EPHA3: variants seen among roughly 807,000 people sequenced by gnomAD.
The protein encoded by EPHA3 is ephrin type-A receptor 3.
A neutral mutation model predicts 107.1 loss-of-function variants in EPHA3; 42 were observed. The observed-to-expected ratio is 0.39, with a 90% confidence interval of 0.31 to 0.51. The LOEUF (loss-of-function observed/expected upper bound fraction) is 0.51. Ranked by LOEUF, EPHA3 falls within the 20% of genes least tolerant of loss-of-function variation. The probability of loss-of-function intolerance (pLI) is 0.78; values close to 1 mark genes in which losing one functional copy is unlikely to be tolerated. For synonymous variants in EPHA3, 461 were observed against 424.8 expected (o/e 1.09, Z -1.05); for missense variants, 1,183 against 1,211.2 (o/e 0.98, Z 0.35).
Position 89,132,319 on chromosome 3 carries a change from T to C in EPHA3, c.153+5046T>C, listed in dbSNP as rs188104297. ...TTTAAGCCACTCTTAGTGTTTTTCATGCTTTCAAATAAAAGGCATCCTTAC... is the reference window on the plus strand; with the variant it reads ...TTTAAGCCACTCTTAGTGTTTTTCACGCTTTCAAATAAAAGGCATCCTTAC... On this transcript the variant is annotated intron_variant, in intron 2 of 16. Transcript: ENST00000336596. 4.6e-5 allele frequency among the ~76,000 whole-genome samples: 7 copies of C among 152,234 alleles called. 1 individual carries two copies. The highest frequency in any genetic ancestry group is 8.8e-5 in the Non-Finnish European group (6 of 68,042).
At chr3:89,179,170 A>G (rs1377095433) in intron 2 of EPHA3, among the ~76,000 whole-genome samples, 2 of 152,016 alleles carry the variant, frequency 1.3e-5, no homozygotes, top group Non-Finnish European at 2.9e-5. Context: ...ATGTTTGCCA[A>G]TGATTCAAGT....
At chr3:89,443,732 C>G (rs1447820470) in intron 13 of EPHA3, among the ~76,000 whole-genome samples, 1 of 151,974 alleles carries the variant, frequency 6.6e-6, no homozygotes, top group Non-Finnish European at 1.5e-5. Flanking sequence ...TGGGGGAATA[C>G]AGTGGTGAAG....
rs1707533817 is a variant in EPHA3, at chr3:89,341,922, G to A, written c.1138G>A (p.Val380Ile). 3 of 1,613,508 alleles carry A rather than the reference G, an allele frequency of 1.9e-6. No homozygotes were observed. Among genetic ancestry groups the A allele is most frequent in the South Asian group, 1.1e-5 (1 of 91,030 alleles). Residue 380 changes from valine (V) to isoleucine (I), a missense_variant, in exon 5 of 17, where the codon GTC becomes ATC. Physicochemically the swap from Val to Ile is conservative, Grantham distance 29 (BLOSUM62 3). Coordinates refer to ENST00000336596, the MANE Select transcript of EPHA3 (RefSeq NM_005233.6). ...IKQCEPCSPN[V>I]RFLPRQFGLT... Reference sequence around the variant, plus strand: ...ACAGTGTGAGCCATGCAGCCCAAATGTCCGCTTCCTCCCTCGACAGTTTGG... The same window carrying A: ...ACAGTGTGAGCCATGCAGCCCAAATATCCGCTTCCTCCCTCGACAGTTTGG...
chr3:89,295,751 C>T (rs1157661332), intron 3 of EPHA3, among the ~76,000 whole-genome samples: 7 of 151,948 alleles, frequency 4.6e-5, no homozygotes, highest in Admixed American at 1.3e-4. Flanking sequence ...CCACCACACC[C>T]GGCTAATTTT....
At chr3:89,442,163 A>C (rs987071461) in intron 13 of EPHA3, among the ~76,000 whole-genome samples, 2 of 152,190 alleles carry the variant, frequency 1.3e-5, no homozygotes, top group African/African-American at 4.8e-5. Context: ...AGGAAGGAAG[A>C]TAGGAAAAAA....
chr3:89,334,282 C>A (rs1225240408), intron 3 of EPHA3, among the ~76,000 whole-genome samples: 4 of 152,144 alleles, frequency 2.6e-5, no homozygotes, highest in South Asian at 2.1e-4. Flanking sequence ...ACTGCAAAAT[C>A]CATCATTTCT....
intron 2 of EPHA3, 142 bp from the exon 3 acceptor site, chr3:89,209,718 C>G (rs1706221145): frequency 1.5e-6 from 1 of 668,772 alleles, no homozygotes; most frequent in Non-Finnish European, 2.4e-6. Context: ...CTCAGAGAAC[C>G]TTGCAAATAA....
chr3:89,468,078 T>G (rs1197788598), intron 15 of EPHA3, among the ~76,000 whole-genome samples: 2 of 152,132 alleles, frequency 1.3e-5, no homozygotes, highest in Non-Finnish European at 2.9e-5. Flanking sequence ...TGAAGAGACA[T>G]CACAGGCTCT....
intron 5 of EPHA3, among the ~76,000 whole-genome samples, chr3:89,390,352 A>G (rs1349201575): frequency 2.6e-5 from 4 of 152,142 alleles, no homozygotes; most frequent in Non-Finnish European, 4.4e-5. Context: ...TAATGCTAGC[A>G]CTTTGGGAGG....
At chr3:89,208,536 G>T (rs571831453) in intron 2 of EPHA3, among the ~76,000 whole-genome samples, 40 of 139,926 alleles carry the variant, frequency 2.9e-4, no homozygotes, top group Non-Finnish European at 5.9e-4. Context: ...AAGAAAGAAA[G>T]AAAAAAAGAA....
chr3:89,451,105 T>C (rs1386831462), intron 15 of EPHA3, among the ~76,000 whole-genome samples: 11 of 152,168 alleles, frequency 7.2e-5, no homozygotes, highest in East Asian at 1.9e-4. Flanking sequence ...CTAGACACCA[T>C]TGAAGATAAA....
intron 3 of EPHA3, among the ~76,000 whole-genome samples, chr3:89,316,747 C>G (rs978794188): frequency 6.6e-6 from 1 of 151,188 alleles, no homozygotes; most frequent in Non-Finnish European, 1.5e-5. Flanking sequence ...TATGTTAAAA[C>G]AATGCCTTTG....
chr3:89,409,400 A>G (rs73137381), intron 9 of EPHA3, among the ~76,000 whole-genome samples: 27,412 of 151,954 alleles, frequency 0.18, 3,225 homozygotes, highest in Non-Finnish European at 0.24. Context: ...TTTGACTTGG[A>G]CAATTGTAAA....
intron 3 of EPHA3, among the ~76,000 whole-genome samples, chr3:89,272,380 T>C (rs1424233657): frequency 6.6e-6 from 1 of 151,972 alleles, no homozygotes; most frequent in Non-Finnish European, 1.5e-5. Flanking sequence ...TTGGCTAATA[T>C]GTCACACAGC....
At chr3:89,108,103 G>A (rs1440043852) in intron 1 of EPHA3, among the ~76,000 whole-genome samples, 1 of 152,144 alleles carries the variant, frequency 6.6e-6, no homozygotes, top group African/African-American at 2.4e-5. Flanking sequence ...TGAGCAGAAA[G>A]AAAGAAAGAA....
chr3:89,391,793 A>G lies in EPHA3; in HGVS notation c.1307-4044A>G, dbSNP rs561609414. ...TATAATCAATACCACTTTACAAAGT[A>G]TATTATGTCTCCTTTCTTTATAGTT... On this transcript the variant is annotated intron_variant, in intron 5 of 16. Transcript: ENST00000336596. Among the ~76,000 whole-genome samples, 6 of 152,312 alleles carry G rather than the reference A, an allele frequency of 3.9e-5. No individual in the cohort carries two copies. In the South Asian group the frequency reaches 1.2e-3, roughly 32 times the overall value.
At chr3:89,387,983 G>A (rs554173667) in intron 5 of EPHA3, among the ~76,000 whole-genome samples, 20 of 151,978 alleles carry the variant, frequency 1.3e-4, no homozygotes, top group African/African-American at 2.7e-4. Context: ...TCAAAAAATC[G>A]GGGGAGGAAA....
intron 5 of EPHA3, among the ~76,000 whole-genome samples, chr3:89,389,852 T>C (rs1436917542): frequency 6.6e-6 from 1 of 152,196 alleles, no homozygotes; most frequent in Non-Finnish European, 1.5e-5. Flanking sequence ...TTGTAATTTG[T>C]TTTTCTATTA....
chr3:89,316,053 C>T (rs1427123613), intron 3 of EPHA3, among the ~76,000 whole-genome samples: 2 of 151,688 alleles, frequency 1.3e-5, no homozygotes, highest in Admixed American at 6.6e-5. Context: ...AAAGGCACTC[C>T]TTGAAAAAAT....
Sources: allele counts gnomAD v4.1 joint callset (sites outside exome capture counted in the v4.1 genomes callset), GRCh38; gene constraint gnomAD v4.1.1; transcripts MANE v1.5; gene names NCBI Gene and HGNC (gene_info 2026-07-23, HGNC 2026-07-21).